The following AIFM1 variants were observed in gnomAD, a reference collection of about 807,000 sequenced individuals.
The protein encoded by AIFM1 is apoptosis inducing factor mitochondria associated 1.
Under a neutral mutation model 51.7 loss-of-function variants are expected in AIFM1, and 3 were observed. The ratio of observed to expected loss-of-function variants is 0.06; its 90% CI spans 0.03 to 0.15. The LOEUF (loss-of-function observed/expected upper bound fraction) is 0.15. Ranked by LOEUF, AIFM1 falls within the 10% of genes least tolerant of loss-of-function variation. The pLI, the probability that AIFM1 is intolerant of heterozygous loss-of-function variation, is 1.00. For synonymous variants in AIFM1, 178 were observed against 179.4 expected (o/e 0.99, Z 0.06); for missense variants, 330 against 476.8 (o/e 0.69, Z 2.87).
intron 6 of AIFM1, among the ~76,000 whole-genome samples, chrX:130,144,353 AGT>A (rs1250473539): frequency 9.0e-6 from 1 of 111,689 alleles, no homozygotes; most frequent in Admixed American, 9.5e-5. Flanking sequence ...ACAGCTCCCC[AGT>A]GCAGAAAAAG....
intron 5 of AIFM1, among the ~76,000 whole-genome samples, chrX:130,146,553 A>C (rs2030762661): frequency 9.1e-6 from 1 of 109,644 alleles, no homozygotes; most frequent in Non-Finnish European, 1.9e-5. Context: ...ATCCTGTTTG[A>C]AAATGGAACT....
Position 130,149,868 on chromosome X carries a change from T to A in AIFM1, c.250-300A>T, listed in dbSNP as rs190044703. ...GTACAGTTTAAGAAAAAAGAAAAAA[T>A]CATTTTATACTAGAAGAATAAAGTG... is the stretch of plus-strand genomic sequence containing the variant. On this transcript the variant is annotated intron_variant, in intron 2 of 15. Transcript: ENST00000287295. Among the ~76,000 whole-genome samples, 49 of 112,043 alleles carry A rather than the reference T, an allele frequency of 4.4e-4. No individual in the cohort carries two copies. The East Asian group carries it at 0.013, about 30-fold the overall frequency.
chrX:130,159,602 AT>A (rs1331266298), intron 1 of AIFM1, among the ~76,000 whole-genome samples: 1 of 110,272 alleles, frequency 9.1e-6, no homozygotes, highest in Non-Finnish European at 1.9e-5. Context: ...CTAAAAATAA[AT>A]TTTTTTTGTT....
intron 2 of AIFM1, among the ~76,000 whole-genome samples, chrX:130,150,977 C>CAAAAAAAAAAAAAAAAAAAA (rs759870161): frequency 3.6e-5 from 1 of 27,815 alleles, no homozygotes; most frequent in African/African-American, 1.8e-4. Context: ...GACTCTGTCT[C>CAAAAAAAAAAAAAAAAAAAA]AAAAAAAAAA....
intron 12 of AIFM1, among the ~76,000 whole-genome samples, chrX:130,135,439 T>TTTTAAA (rs33994471): frequency 1.4e-4 from 10 of 72,939 alleles, no homozygotes; most frequent in African/African-American, 4.7e-4. Flanking sequence ...TTTTTTTTTT[T>TTTTAAA]AAAAAAAAAA....
At chrX:130,131,526 G>A (rs1235075270) in intron 14 of AIFM1, 149 bp downstream of exon 14, 3 of 828,825 alleles carry the variant, frequency 3.6e-6, no homozygotes, top group Admixed American at 4.7e-5. Context: ...TAAAGAGTGA[G>A]GACTTGGGGT....
At chrX:130,132,296 G>T (rs1359562145) in intron 13 of AIFM1, among the ~76,000 whole-genome samples, 3 of 112,160 alleles carry the variant, frequency 2.7e-5, no homozygotes, top group Non-Finnish European at 5.6e-5. Flanking sequence ...TAATAGCTTT[G>T]ACTTTTCCTT....
At chrX:130,159,624 T>C in intron 1 of AIFM1, among the ~76,000 whole-genome samples, 1 of 110,379 alleles carries the variant, frequency 9.1e-6, no homozygotes, top group East Asian at 2.8e-4. Context: ...TTTGTTTTTC[T>C]TTTTTTTAAT....
At chrX:130,150,977 CA>C (rs759870161) in intron 2 of AIFM1, among the ~76,000 whole-genome samples, 401 of 27,787 alleles carry the variant, frequency 0.014, 7 homozygotes, top group African/African-American at 0.056. Flanking sequence ...GACTCTGTCT[CA>C]AAAAAAAAAA....
intron 2 of AIFM1, among the ~76,000 whole-genome samples, chrX:130,154,699 C>G (rs147876553): frequency 0.028 from 3,156 of 111,966 alleles, 32 homozygotes; most frequent in Middle Eastern, 0.097. Context: ...AATAAAATGC[C>G]TTTTCATAGT....
intron 13 of AIFM1, among the ~76,000 whole-genome samples, chrX:130,132,459 TAA>T (rs1210005331): frequency 8.8e-6 from 1 of 113,106 alleles, no homozygotes; most frequent in African/African-American, 3.2e-5. Flanking sequence ...TTTGAAGCTT[TAA>T]AGAGTGTTCC....
chrX:130,150,129 C>T (rs983959076), intron 2 of AIFM1, among the ~76,000 whole-genome samples: 4 of 110,889 alleles, frequency 3.6e-5, no homozygotes, highest in South Asian at 3.8e-4. Flanking sequence ...CTTAAACTCA[C>T]GAGGTAGAAG....
intron 6 of AIFM1, among the ~76,000 whole-genome samples, chrX:130,142,860 G>A (rs1362287085): frequency 2.7e-5 from 3 of 111,214 alleles, no homozygotes; most frequent in African/African-American, 9.8e-5. Context: ...TGGCCAGGCT[G>A]GTCTCTAACT....
intron 2 of AIFM1, among the ~76,000 whole-genome samples, chrX:130,151,839 G>A (rs190408269): frequency 9.0e-6 from 1 of 111,169 alleles, no homozygotes; most frequent in East Asian, 2.8e-4. Flanking sequence ...CCAGGAGTTC[G>A]AGACTAGCCT....
At chrX:130,153,949 C>G (rs1361626400) in intron 2 of AIFM1, among the ~76,000 whole-genome samples, 1 of 112,345 alleles carries the variant, frequency 8.9e-6, no homozygotes, top group Non-Finnish European at 1.9e-5. Flanking sequence ...AGCTATATCT[C>G]ATCAAATCTG....
At chrX:130,137,313 G>A (rs964695152) in intron 9 of AIFM1, 128 bp from the exon 10 acceptor site, 28 of 1,182,660 alleles carry the variant, frequency 2.4e-5, no homozygotes, top group Non-Finnish European at 2.5e-5. Flanking sequence ...CAGGCCGAGC[G>A]CCCACTTACA....
In AIFM1 at chrX:130,131,714, T is replaced by G; in HGVS notation, c.1534A>C (p.Thr512Pro). ...GCAGATTTGGGGTTGTCTTGTGCAG[T>G]TGCTTTTGCAAAAACACCAACTGTG... ...LPTVGVFAKA[T>P]AQDNPKSATE... Residue 512 changes from threonine (T) to proline (P), a missense_variant, in exon 14 of 16, where the codon ACT (threonine) becomes CCT (proline). Transcript: ENST00000287295. 8.3e-7 allele frequency: 1 copy of G among 1,211,931 alleles called. No individual in the cohort carries two copies. Among genetic ancestry groups the G allele is most frequent in the Non-Finnish European group, 1.1e-6 (1 of 895,550 alleles).
At chrX:130,162,603 G>T (rs937969685) in intron 1 of AIFM1, among the ~76,000 whole-genome samples, 1 of 112,278 alleles carries the variant, frequency 8.9e-6, no homozygotes, top group South Asian at 3.7e-4. Context: ...CAGAAACAAC[G>T]GGGGAAGACT....
At position 130,137,075 on chromosome X, in the gene AIFM1, T is replaced by C. The variant is rs368659636; in HGVS notation, c.1075+3A>G. ...TGGCAGCATATAGAAACAGTCTCTC[T>C]ACCTCGTCTGACTTTTTCCATGGTC... On this transcript the variant is annotated splice_donor_region_variant and intron_variant, in intron 10 of 15. Transcript: ENST00000287295. The C allele has an allele frequency of 4.1e-6, 5 of 1,211,377 alleles. No individual in the cohort carries two copies. Among genetic ancestry groups the C allele is most frequent in the Non-Finnish European group, 5.6e-6 (5 of 895,321 alleles).
Sources: gnomAD v4.1 joint callset for allele counts (sites outside exome capture counted in the v4.1 genomes callset) on GRCh38, gnomAD v4.1.1 for gene constraint, MANE v1.5 for transcripts, NCBI Gene and HGNC (gene_info 2026-07-23, HGNC 2026-07-21) for gene names.